Variants in CBFA2T3 observed in about 807,000 individuals in gnomAD.
The protein encoded by CBFA2T3 is transcriptional corepressor CBFA2T3.
CBFA2T3 carries 31 observed loss-of-function variants against 58.6 expected under a neutral mutation model. That is an observed-to-expected ratio of 0.53 (90% CI 0.40 to 0.71). The LOEUF is 0.71. Ranked by LOEUF, CBFA2T3 falls within the 30% of genes least tolerant of loss-of-function variation. CBFA2T3 has a pLI of 0.00. For synonymous variants in CBFA2T3, 531 were observed against 421.9 expected, an observed-to-expected ratio of 1.26 and a Z score of -3.17; for missense variants, 1,076 against 963.1, an observed-to-expected ratio of 1.12 and a Z score of -1.55.
At chr16:88,931,925 A>T (rs1470891196) in intron 1 of CBFA2T3, among the ~76,000 whole-genome samples, 1 of 152,080 alleles carries the variant, frequency 6.6e-6, no homozygotes, top group Non-Finnish European at 1.5e-5. Context: ...TTTGTGGAAC[A>T]TTCTCTGAGG....
intron 1 of CBFA2T3, among the ~76,000 whole-genome samples, chr16:88,945,137 G>T (rs528760835): frequency 3.3e-4 from 51 of 152,270 alleles, no homozygotes; most frequent in African/African-American, 1.2e-3. Flanking sequence ...TTAAAAATAA[G>T]CGGGTGGCTA....
chr16:88,966,044 C>T (rs1168817582), intron 1 of CBFA2T3, among the ~76,000 whole-genome samples: 1 of 152,156 alleles, frequency 6.6e-6, no homozygotes, highest in Non-Finnish European at 1.5e-5. Flanking sequence ...ACAGAGTTCC[C>T]CCTGGGCCAC....
intron 10 of CBFA2T3, 133 bp downstream of exon 10, chr16:88,880,587 G>T: frequency 1.4e-6 from 1 of 734,896 alleles, no homozygotes; most frequent in Non-Finnish European, 2.3e-6. Flanking sequence ...GCCACACAGC[G>T]GAATGCAGAA....
At position 88,881,358 on chromosome 16, in the gene CBFA2T3, CTTT is replaced by C. The variant is rs1969068647; in HGVS notation, c.1332_1334del (p.Lys446del). 3.8e-6 allele frequency: 6 copies of C among 1,586,136 alleles called. No individual in the cohort carries two copies. The highest frequency in any genetic ancestry group is 4.3e-6 in the Non-Finnish European group (5 of 1,167,896). On this transcript the variant is annotated inframe_deletion, in exon 9 of 12. Coordinates refer to ENST00000268679, the MANE Select transcript of CBFA2T3 (RefSeq NM_005187.6). ...GGGCCGCGGCGGGAGCGGGGCCCTT[CTTT>C]GTGTCCTCGGCGTCGCTGTAGCGCC...
intron 1 of CBFA2T3, among the ~76,000 whole-genome samples, chr16:88,920,579 CT>C (rs1970879449): frequency 6.6e-6 from 1 of 152,200 alleles, no homozygotes; most frequent in Admixed American, 6.5e-5. Flanking sequence ...GCCACCACCC[CT>C]GGCCAGGAAT....
intron 1 of CBFA2T3, among the ~76,000 whole-genome samples, chr16:88,907,562 G>A (rs1429124587): frequency 1.3e-5 from 2 of 152,246 alleles, no homozygotes; most frequent in Non-Finnish European, 2.9e-5. Context: ...TCTTACGAGT[G>A]GGGAAACAGA....
At chr16:88,916,624 C>A (rs563112248) in intron 1 of CBFA2T3, among the ~76,000 whole-genome samples, 2 of 66,796 alleles carry the variant, frequency 3.0e-5, no homozygotes, top group African/African-American at 1.3e-4. Context: ...GGAAGAAGGG[C>A]GGCCCCTGGG....
rs574797580 is a variant in CBFA2T3 at position 88,927,836 on chromosome 16, G to A, written c.152-26180C>T. On this transcript the variant is annotated intron_variant, in intron 1 of 11. Coordinates refer to ENST00000268679, the MANE Select transcript of CBFA2T3 (RefSeq NM_005187.6). ...CTGCTCCCTCAGGAGGTGGGATCCG[G>A]TCCCCTCCTGCTGGGCTGCACGGGC... Among the ~76,000 whole-genome samples, 7 of 152,336 alleles carry A rather than the reference G, an allele frequency of 4.6e-5. No individual in the cohort carries two copies. In the East Asian group the frequency reaches 7.7e-4, roughly 17 times the overall value.
intron 1 of CBFA2T3, among the ~76,000 whole-genome samples, chr16:88,925,343 C>T (rs1971052887): frequency 6.6e-6 from 1 of 152,202 alleles, no homozygotes; most frequent in African/African-American, 2.4e-5. Context: ...GCGGTGCCTT[C>T]CGGGTACCCT....
intron 1 of CBFA2T3, among the ~76,000 whole-genome samples, chr16:88,970,501 G>T (rs576674908): frequency 6.6e-6 from 1 of 152,346 alleles, no homozygotes; most frequent in East Asian, 1.9e-4. Context: ...GAGCTCGGCT[G>T]GTTTCCTGAC....
At chr16:88,973,330 C>T (rs1206128478) in intron 1 of CBFA2T3, among the ~76,000 whole-genome samples, 3 of 152,178 alleles carry the variant, frequency 2.0e-5, no homozygotes, top group African/African-American at 7.2e-5. Context: ...GTGGCTGCGG[C>T]ACGGCGGCCA....
At chr16:88,892,607 G>A (rs924496811) in intron 3 of CBFA2T3, 122 bp from the exon 4 acceptor site, 5 of 1,142,610 alleles carry the variant, frequency 4.4e-6, no homozygotes, top group African/African-American at 3.0e-5. Context: ...CAACAATGAT[G>A]AGACACAAGG....
chr16:88,941,215 G>A (rs1443703215), intron 1 of CBFA2T3: 25 of 973,714 alleles, frequency 2.6e-5, no homozygotes, highest in Non-Finnish European at 2.9e-5. Context: ...GCCATGCCGG[G>A]GACTCGGCTC....
At chr16:88,933,027 C>G (rs531974114) in intron 1 of CBFA2T3, among the ~76,000 whole-genome samples, 1 of 152,098 alleles carries the variant, frequency 6.6e-6, no homozygotes, top group Non-Finnish European at 1.5e-5. Flanking sequence ...CCTGGGAGCT[C>G]GAGGGAGGTG....
chr16:88,892,057 C>G, intron 4 of CBFA2T3, 86 bp from the exon 5 acceptor site: 3 of 1,390,596 alleles, frequency 2.2e-6, no homozygotes, highest in Non-Finnish European at 3.0e-6. Context: ...AGGAGGCTTC[C>G]GTGTTGGAGG....
intron 5 of CBFA2T3, among the ~76,000 whole-genome samples, chr16:88,888,583 T>A (rs1234496791): frequency 4.2e-4 from 2 of 4,766 alleles, no homozygotes; most frequent in Non-Finnish European, 7.5e-4. Context: ...TGGGAGGGGG[T>A]GGGGTGGGGT....
At position 88,880,800 on chromosome 16, in the gene CBFA2T3, GC is replaced by G; in HGVS notation, c.1403-13del. ...CTCGCGAGGCACGTCTGAAACAGGG[GC>G]CGGCGTCACACAGGATGGGCCACGC... is the stretch of plus-strand genomic sequence containing the variant. On this transcript the variant is annotated splice_polypyrimidine_tract_variant and intron_variant, in intron 9 of 11. Coordinates refer to ENST00000268679, the MANE Select transcript of CBFA2T3 (RefSeq NM_005187.6). The G allele has an allele frequency of 6.4e-7, 1 of 1,574,396 alleles. No individual in the cohort carries two copies.
intron 1 of CBFA2T3, among the ~76,000 whole-genome samples, chr16:88,932,336 C>G (rs1055532280): frequency 6.6e-6 from 1 of 152,020 alleles, no homozygotes; most frequent in African/African-American, 2.4e-5. Flanking sequence ...ACTCAATGAC[C>G]ATAAAACAGC....
At chr16:88,970,725 C>T (rs1347843160) in intron 1 of CBFA2T3, among the ~76,000 whole-genome samples, 3 of 152,244 alleles carry the variant, frequency 2.0e-5, no homozygotes, top group Non-Finnish European at 4.4e-5. Context: ...CTCGCCTCGC[C>T]TGGAGATGGA....
Sources: allele counts gnomAD v4.1 joint callset (sites outside exome capture counted in the v4.1 genomes callset), GRCh38; gene constraint gnomAD v4.1.1; transcripts MANE v1.5; gene names NCBI Gene and HGNC (gene_info 2026-07-23, HGNC 2026-07-21).